The following PIGL variants were observed in gnomAD, a reference collection of about 807,000 sequenced individuals.
PIGL encodes the protein N-acetylglucosaminyl-phosphatidylinositol de-N-acetylase.
A neutral mutation model predicts 31.1 loss-of-function variants in PIGL; 22 were observed. The observed-to-expected ratio is 0.71, with a 90% CI of 0.51 to 1.01. PIGL has a LOEUF of 1.01. Ranked by LOEUF, PIGL falls within the 50% of genes least tolerant of loss-of-function variation. The pLI, the probability that PIGL is intolerant of heterozygous loss-of-function variation, is 0.00. For missense variants in PIGL, 302 were observed against 315.9 expected (o/e 0.96, Z 0.33); for synonymous variants, 131 against 117.4 (o/e 1.12, Z -0.75).
At chr17:16,287,437 C>A (rs1354141760) in intron 2 of PIGL, among the ~76,000 whole-genome samples, 2 of 152,240 alleles carry the variant, frequency 1.3e-5, no homozygotes, top group Non-Finnish European at 2.9e-5. Flanking sequence ...GCTTCCCTGC[C>A]TTCTCCATCT....
rs376134415 is a variant in PIGL at position 16,239,490 on chromosome 17, TAAAAAAGAAAA to T, written c.335+5433_335+5443del. ...AGAGTGAGACTCTGTCTCAAAAAAA[TAAAAAAGAAAA>T]AAAAAAGAAAAAGAAAAGGCAGTAA... On this transcript the variant is annotated intron_variant, in intron 2 of 6. Transcript: ENST00000225609. Among the ~76,000 whole-genome samples, 1,032 of 144,140 alleles carry T rather than the reference TAAAAAAGAAAA, an allele frequency of 7.2e-3. 10 individuals carry two copies. Among genetic ancestry groups the T allele is most frequent in the Non-Finnish European group, 0.012 (782 of 65,420 alleles). The allele number at this position is 144,140 out of a possible 152,430, so 94.6% of individuals were successfully genotyped here.
intron 1 of PIGL, among the ~76,000 whole-genome samples, chr17:16,231,805 T>G (rs1474954755): frequency 2.0e-5 from 3 of 152,190 alleles, no homozygotes; most frequent in Non-Finnish European, 4.4e-5. Context: ...GAAATTACAT[T>G]AATTTTATTA....
At chr17:16,294,198 T>C (rs1261929795) in intron 2 of PIGL, among the ~76,000 whole-genome samples, 1 of 152,166 alleles carries the variant, frequency 6.6e-6, no homozygotes, top group Non-Finnish European at 1.5e-5. Context: ...CATCCCAGAA[T>C]TATTTTATCT....
Position 16,325,943 on chromosome 17 carries a change from AC to A in PIGL, c.*46del. On this transcript the variant is annotated 3_prime_UTR_variant, in exon 7 of 7. Coordinates refer to ENST00000225609, the MANE Select transcript of PIGL (RefSeq NM_004278.4). Reference sequence around the variant, plus strand: ...ATCCAAGGAACAAAGGGGAAAATAGACAAAGGAGTGCAGAGGACCTGGCCTG... The same window carrying A: ...ATCCAAGGAACAAAGGGGAAAATAGAAAAGGAGTGCAGAGGACCTGGCCTG... The A allele has an allele frequency of 7.2e-7, 1 of 1,380,212 alleles. No homozygotes were observed. Among genetic ancestry groups the A allele is most frequent in the Admixed American group, 1.7e-5 (1 of 59,632 alleles). 85.5% of individuals were successfully genotyped at this position (1,380,212 alleles called of 1,614,324 possible). A position where few individuals can be genotyped will look rare whatever the true frequency, so the allele number is the denominator to read the frequency against.
chr17:16,239,654 A>G (rs558154631), intron 2 of PIGL, among the ~76,000 whole-genome samples: 9 of 152,162 alleles, frequency 5.9e-5, no homozygotes, highest in Non-Finnish European at 1.0e-4. Context: ...TGTGCTTCAG[A>G]ATGATTACTC....
chr17:16,275,983 C>T (rs2092893506), intron 2 of PIGL, among the ~76,000 whole-genome samples: 1 of 152,052 alleles, frequency 6.6e-6, no homozygotes, highest in East Asian at 1.9e-4. Flanking sequence ...GAGATCAGGC[C>T]ACTGCACTCC....
chr17:16,239,149 A>T (rs991219131), intron 2 of PIGL, among the ~76,000 whole-genome samples: 5 of 152,024 alleles, frequency 3.3e-5, no homozygotes, highest in Non-Finnish European at 7.4e-5. Flanking sequence ...AGCCTAGGCA[A>T]CATGGCAGAA....
intron 2 of PIGL, among the ~76,000 whole-genome samples, chr17:16,282,485 A>G (rs2092920579): frequency 6.6e-6 from 1 of 152,118 alleles, no homozygotes; most frequent in African/African-American, 2.4e-5. Context: ...ACCCATACCC[A>G]AACACCTTGA....
chr17:16,254,706 G>A (rs1315679285), intron 2 of PIGL, among the ~76,000 whole-genome samples: 3 of 152,022 alleles, frequency 2.0e-5, no homozygotes, highest in Non-Finnish European at 4.4e-5. Context: ...CCAGGTTCAC[G>A]CCATTCTCCT....
intron 2 of PIGL, among the ~76,000 whole-genome samples, chr17:16,290,274 G>A (rs2092954949): frequency 6.6e-6 from 1 of 151,754 alleles, no homozygotes; most frequent in Non-Finnish European, 1.5e-5. Flanking sequence ...TTAGAAATGG[G>A]GTTTCCACAT....
chr17:16,270,040 A>G (rs1000513570), intron 2 of PIGL, among the ~76,000 whole-genome samples: 1 of 152,030 alleles, frequency 6.6e-6, no homozygotes, highest in African/African-American at 2.4e-5. Context: ...TAATCTCAGC[A>G]CTTTGGGAGG....
At chr17:16,244,533 A>G (rs762642891) in intron 2 of PIGL, among the ~76,000 whole-genome samples, 2 of 152,212 alleles carry the variant, frequency 1.3e-5, no homozygotes, top group Non-Finnish European at 2.9e-5. Context: ...TTTCGGGGAC[A>G]AATCTGTTTT....
rs899317015 is a variant in PIGL, at chr17:16,274,254, G to A, written c.336-25634G>A. Among the ~76,000 whole-genome samples the A allele has an allele frequency of 2.6e-5, 4 of 152,284 alleles. No homozygotes were observed. The South Asian group carries it at 6.2e-4, about 24-fold the overall frequency. ...TAAGAGTGAAACCAGACGTGAGAAG[G>A]TTGGAGCGTGTAAAGGAAATGGGTC... On this transcript the variant is annotated intron_variant, in intron 2 of 6. Coordinates refer to ENST00000225609, the MANE Select transcript of PIGL (RefSeq NM_004278.4).
intron 6 of PIGL, among the ~76,000 whole-genome samples, chr17:16,320,478 G>A (rs2093100353): frequency 2.0e-4 from 1 of 5,044 alleles, no homozygotes; most frequent in Admixed American, 9.5e-4. Flanking sequence ...AGGAAGGGAG[G>A]AAACGAGGGA....
At chr17:16,246,118 C>G (rs1282336695) in intron 2 of PIGL, among the ~76,000 whole-genome samples, 1 of 151,782 alleles carries the variant, frequency 6.6e-6, no homozygotes, top group Admixed American at 6.6e-5. Flanking sequence ...CCACTGCGCC[C>G]GGTCATGGCA....
At chr17:16,227,578 CTTTT>C (rs57452229) in intron 1 of PIGL, among the ~76,000 whole-genome samples, 3 of 103,196 alleles carry the variant, frequency 2.9e-5, no homozygotes, top group African/African-American at 1.2e-4. Context: ...ATTTTCTTTT[CTTTT>C]TTTTTTTTTT....
chr17:16,253,884 A>C (rs1383968140), intron 2 of PIGL, among the ~76,000 whole-genome samples: 1 of 152,128 alleles, frequency 6.6e-6, no homozygotes, highest in Non-Finnish European at 1.5e-5. Context: ...TCAAGGCTGC[A>C]ATTAGTGATG....
intron 3 of PIGL, among the ~76,000 whole-genome samples, chr17:16,312,054 C>T (rs2093053334): frequency 6.7e-6 from 1 of 148,472 alleles, no homozygotes; most frequent in Admixed American, 6.6e-5. Flanking sequence ...GCGCCCCCAA[C>T]CTCCCGGACG....
intron 3 of PIGL, among the ~76,000 whole-genome samples, chr17:16,302,544 C>T (rs962071467): frequency 2.0e-5 from 3 of 152,132 alleles, no homozygotes; most frequent in Non-Finnish European, 2.9e-5. Flanking sequence ...CTTCAGTGCA[C>T]GAGAACTACT....
Sources: gnomAD v4.1 joint callset for allele counts (sites outside exome capture counted in the v4.1 genomes callset) on GRCh38, gnomAD v4.1.1 for gene constraint, MANE v1.5 for transcripts, NCBI Gene and HGNC (gene_info 2026-07-23, HGNC 2026-07-21) for gene names.